The following TENM4 variants were observed in gnomAD, a reference collection of about 807,000 sequenced individuals.
TENM4 encodes the protein teneurin-4.
TENM4 carries 82 observed loss-of-function variants against 243.3 expected under a neutral mutation model. The ratio of observed to expected loss-of-function variants is 0.34; its 90% CI spans 0.28 to 0.40. TENM4 has a LOEUF of 0.40. Among genes scored for constraint, TENM4 ranks in the 10% least tolerant of loss-of-function variants. The pLI, the probability that TENM4 is intolerant of heterozygous loss-of-function variation, is 1.00. For synonymous variants in TENM4, 1,412 were observed against 1,456.3 expected, an observed-to-expected ratio of 0.97 and a Z score of 0.69; for missense variants, 3,138 against 3,673.3, an observed-to-expected ratio of 0.85 and a Z score of 3.77.
Position 78,863,091 on chromosome 11 carries a change from C to G in TENM4, c.1126G>C (p.Glu376Gln). 1 of 1,531,612 alleles carries G rather than the reference C, an allele frequency of 6.5e-7. No homozygotes were observed. The highest frequency in any genetic ancestry group is 8.8e-7 in the Non-Finnish European group (1 of 1,132,070). The allele number at this position is 1,531,612 out of a possible 1,614,324, so 94.9% of individuals were successfully genotyped here. Residue 376 changes from glutamate to glutamine, a missense_variant, in exon 10 of 34, where the codon GAG becomes CAG. By Grantham distance (29) the Glu-to-Gln change is conservative. Coordinates refer to ENST00000278550, the MANE Select transcript of TENM4 (RefSeq NM_001098816.3). ...FGLNWHLQPM[E>Q]GQMYEITEDT... ...TCCGTGATCTCATACATCTGCCCCT[C>G]CATCGGCTGCAGGTGCCAGTTTAGG...
chr11:78,907,457 T>C (rs1856088922), intron 6 of TENM4, among the ~76,000 whole-genome samples: 1 of 152,100 alleles, frequency 6.6e-6, no homozygotes, highest in South Asian at 2.1e-4. Context: ...AAGATAAACA[T>C]GGCCTAAGAG....
chr11:79,278,722 C>T (rs1856102994), intron 2 of TENM4, among the ~76,000 whole-genome samples: 2 of 152,210 alleles, frequency 1.3e-5, no homozygotes, highest in African/African-American at 4.8e-5. Flanking sequence ...GTGAGCCACT[C>T]AAGTGGCCCG....
At chr11:78,734,336 C>T (rs1590978112) in intron 20 of TENM4, among the ~76,000 whole-genome samples, 1 of 152,222 alleles carries the variant, frequency 6.6e-6, no homozygotes, top group East Asian at 1.9e-4. Context: ...TAGCCCCCCT[C>T]CCATCTGATG....
chr11:78,753,752 G>A (rs942220081), intron 19 of TENM4, among the ~76,000 whole-genome samples: 7 of 151,488 alleles, frequency 4.6e-5, no homozygotes, highest in Admixed American at 3.3e-4. Flanking sequence ...CATTTTGGAA[G>A]CTTCCATTAT....
intron 21 of TENM4, 33 bp from the exon 22 acceptor site, chr11:78,729,676 G>A (rs1017571265): frequency 2.5e-5 from 40 of 1,569,166 alleles, no homozygotes; most frequent in South Asian, 3.6e-5. Context: ...AGCAAGGGAC[G>A]GTCGTCGACT....
chr11:78,990,806 T>G (rs1279042925), intron 6 of TENM4, among the ~76,000 whole-genome samples: 1 of 152,220 alleles, frequency 6.6e-6, no homozygotes, highest in African/African-American at 2.4e-5. Flanking sequence ...AAAAATCATA[T>G]AAATATTTAA....
chr11:78,829,415 G>A (rs1857928123), intron 12 of TENM4, among the ~76,000 whole-genome samples: 1 of 152,158 alleles, frequency 6.6e-6, no homozygotes, highest in Non-Finnish European at 1.5e-5. Flanking sequence ...TCACTTATCT[G>A]TTTCATGTTG....
chr11:79,420,705 T>C (rs1164854560), intron 1 of TENM4, among the ~76,000 whole-genome samples: 1 of 152,108 alleles, frequency 6.6e-6, no homozygotes, highest in Non-Finnish European at 1.5e-5. Context: ...GATGGTTATT[T>C]GCTCCTATGG....
chr11:79,255,782 A>T (rs1298689561), intron 2 of TENM4, among the ~76,000 whole-genome samples: 2 of 152,142 alleles, frequency 1.3e-5, no homozygotes, highest in African/African-American at 4.8e-5. Context: ...TCTTGTTAAG[A>T]CTCTAAGGAA....
chr11:78,675,187 C>T (rs1017498959), intron 30 of TENM4, among the ~76,000 whole-genome samples: 1 of 152,144 alleles, frequency 6.6e-6, no homozygotes, highest in Non-Finnish European at 1.5e-5. Flanking sequence ...TCTTTACCAC[C>T]ACCTCGCTAT....
At chr11:78,925,709 A>C (rs564409624) in intron 6 of TENM4, among the ~76,000 whole-genome samples, 2 of 152,106 alleles carry the variant, frequency 1.3e-5, no homozygotes, top group Admixed American at 1.3e-4. Context: ...GCTCCGTGCT[A>C]CCCTCAAGTC....
intron 17 of TENM4, among the ~76,000 whole-genome samples, chr11:78,777,920 C>T (rs1856769064): frequency 6.6e-6 from 1 of 152,112 alleles, no homozygotes; most frequent in Non-Finnish European, 1.5e-5. Flanking sequence ...AGGTACCACC[C>T]AACTAATGTA....
At chr11:78,779,663 C>G (rs1039072178) in intron 16 of TENM4, among the ~76,000 whole-genome samples, 15 of 152,182 alleles carry the variant, frequency 9.9e-5, no homozygotes, top group Non-Finnish European at 1.8e-4. Context: ...ACACCTCCTA[C>G]TAGTGTGTTC....
chr11:79,439,669 A>T (rs1052851289), intron 1 of TENM4, among the ~76,000 whole-genome samples: 3 of 149,450 alleles, frequency 2.0e-5, no homozygotes, highest in African/African-American at 7.4e-5. Flanking sequence ...GTGTCCACAC[A>T]CACACACACA....
chr11:79,183,096 A>C (rs965922777), intron 3 of TENM4, among the ~76,000 whole-genome samples: 14 of 152,226 alleles, frequency 9.2e-5, no homozygotes, highest in African/African-American at 3.4e-4. Context: ...TCCAGAAAAA[A>C]ACCAGCACAT....
chr11:78,740,065 G>A (rs1408145403), intron 19 of TENM4, among the ~76,000 whole-genome samples: 3 of 152,314 alleles, frequency 2.0e-5, no homozygotes, highest in South Asian at 4.2e-4. Context: ...AGTCAAAAAC[G>A]CAGGTGCTGC....
intron 4 of TENM4, among the ~76,000 whole-genome samples, chr11:79,088,262 T>C (rs1198137280): frequency 2.0e-5 from 3 of 152,172 alleles, no homozygotes; most frequent in African/African-American, 7.2e-5. Context: ...TGGCCTCTGC[T>C]GGCCGGCAAT....
chr11:79,147,601 T>C lies in TENM4; in HGVS notation c.-66+1109A>G, dbSNP rs143333839. Among the ~76,000 whole-genome samples, 407 of 152,194 alleles carry C rather than the reference T, an allele frequency of 2.7e-3. 3 individuals carry two copies. The highest frequency in any genetic ancestry group is 9.3e-3 in the African/African-American group (386 of 41,550). On this transcript the variant is annotated intron_variant, in intron 4 of 33. Coordinates refer to ENST00000278550, the MANE Select transcript of TENM4 (RefSeq NM_001098816.3). ...TCTCCTTATGAGAGTCTCTAGCACCTCCTATCTTCTCCTCTGGCTAAAGGT... is the reference window on the plus strand; with the variant it reads ...TCTCCTTATGAGAGTCTCTAGCACCCCCTATCTTCTCCTCTGGCTAAAGGT...
Position 79,207,935 on chromosome 11 carries a change from G to A in TENM4, c.-163+7873C>T, listed in dbSNP as rs118115840. Among the ~76,000 whole-genome samples, 639 of 151,564 alleles carry A rather than the reference G, an allele frequency of 4.2e-3. 11 individuals carry two copies. The highest frequency in any genetic ancestry group is 0.038 in the East Asian group (195 of 5,150). On this transcript the variant is annotated intron_variant, in intron 3 of 33. Transcript: ENST00000278550. ...CTCCTATGATACAGTGTAAAGTCTG[G>A]GCTTCCTCTGGAGAGCAACGGGAAG...
Sources: gnomAD v4.1 joint callset for allele counts (sites outside exome capture counted in the v4.1 genomes callset) on GRCh38, gnomAD v4.1.1 for gene constraint, MANE v1.5 for transcripts, NCBI Gene and HGNC (gene_info 2026-07-23, HGNC 2026-07-21) for gene names.